The following RBFOX1 variants were observed in gnomAD, a reference collection of about 807,000 sequenced individuals.
RBFOX1 encodes the protein RNA binding protein fox-1 homolog 1.
A neutral mutation model predicts 57.7 loss-of-function variants in RBFOX1; 8 were observed. The observed-to-expected ratio is 0.14, with a 90% CI of 0.08 to 0.25. The LOEUF (loss-of-function observed/expected upper bound fraction) is 0.25, where lower values mean the gene tolerates loss of function less well. RBFOX1 is among the 10% of genes least tolerant of loss of function. RBFOX1 has a pLI of 1.00. For missense variants in RBFOX1, 611 were observed against 548.5 expected (o/e 1.11, Z -1.14); for synonymous variants, 326 against 222.4 (o/e 1.47, Z -4.15).
chr16:6,375,968 C>T (rs2091122304), intron 2 of RBFOX1, among the ~76,000 whole-genome samples: 1 of 152,170 alleles, frequency 6.6e-6, no homozygotes, highest in Non-Finnish European at 1.5e-5. Context: ...TTGGATCACC[C>T]TGCTGCCTCC....
At chr16:7,268,022 G>C (rs1323212892) in intron 4 of RBFOX1, among the ~76,000 whole-genome samples, 4 of 152,180 alleles carry the variant, frequency 2.6e-5, no homozygotes, top group Non-Finnish European at 5.9e-5. Flanking sequence ...CCCAGATGCT[G>C]TAGCCTACGA....
chr16:6,783,831 G>C (rs190533856), intron 3 of RBFOX1, among the ~76,000 whole-genome samples: 1 of 152,064 alleles, frequency 6.6e-6, no homozygotes, highest in African/African-American at 2.4e-5. Context: ...GACAGATCTA[G>C]TGTTGATGAA....
At chr16:5,904,972 G>A (rs867641397) in intron 4 of RBFOX1, among the ~76,000 whole-genome samples, 204 of 75,626 alleles carry the variant, frequency 2.7e-3, no homozygotes, top group African/African-American at 9.5e-3. Flanking sequence ...GCAAGACTCC[G>A]TCTCAAAAAA....
At chr16:5,286,203 G>C (rs138699634) in intron 1 of RBFOX1, among the ~76,000 whole-genome samples, 43 of 152,322 alleles carry the variant, frequency 2.8e-4, no homozygotes, top group African/African-American at 9.1e-4. Flanking sequence ...GGCAGTGTAT[G>C]TGGGCACTGA....
chr16:6,316,824 C>T (rs773422876), intron 1 of RBFOX1, among the ~76,000 whole-genome samples, 171 bp from the exon 2 acceptor site: 10 of 152,100 alleles, frequency 6.6e-5, no homozygotes, highest in Non-Finnish European at 1.2e-4. Context: ...AAAAATACAT[C>T]GAAGAACTGA....
At chr16:5,784,820 C>A (rs75091967) in intron 3 of RBFOX1, among the ~76,000 whole-genome samples, 9,539 of 152,184 alleles carry the variant, frequency 0.063, 979 homozygotes, top group African/African-American at 0.21. Flanking sequence ...GCATAGACAC[C>A]ATCTATGAAC....
chr16:5,969,847 C>T (rs144771520), intron 4 of RBFOX1, among the ~76,000 whole-genome samples: 7 of 151,802 alleles, frequency 4.6e-5, no homozygotes, highest in Non-Finnish European at 7.4e-5. Flanking sequence ...AATATCTTCT[C>T]AGTGTGGATG....
chr16:6,895,484 A>ATATATT (rs2066645858), intron 3 of RBFOX1, among the ~76,000 whole-genome samples: 1 of 93,332 alleles, frequency 1.1e-5, no homozygotes, highest in Non-Finnish European at 2.2e-5. Flanking sequence ...ATATATATAT[A>ATATATT]TATTTATTCC....
intron 2 of RBFOX1, among the ~76,000 whole-genome samples, chr16:6,476,301 T>A (rs908692104): frequency 9.9e-5 from 15 of 152,114 alleles, no homozygotes; most frequent in African/African-American, 3.1e-4. Flanking sequence ...ACATACACTT[T>A]AAAAAAATAG....
intron 2 of RBFOX1, among the ~76,000 whole-genome samples, chr16:6,418,305 C>T (rs1297124387): frequency 6.6e-6 from 1 of 152,074 alleles, no homozygotes; most frequent in Non-Finnish European, 1.5e-5. Flanking sequence ...TTTGTAGAAC[C>T]ATTCTCATTA....
At chr16:6,895,436 G>GTATATATATATATATATATATATATA in intron 3 of RBFOX1, among the ~76,000 whole-genome samples, 1 of 85,778 alleles carries the variant, frequency 1.2e-5, no homozygotes, top group South Asian at 4.7e-4. Context: ...GTGTGTGTGT[G>GTATATATATATATATATATATATATA]TGTGTGTGTG....
At chr16:6,972,375 C>G (rs533445913) in intron 3 of RBFOX1, among the ~76,000 whole-genome samples, 1 of 152,080 alleles carries the variant, frequency 6.6e-6, no homozygotes, top group Non-Finnish European at 1.5e-5. Flanking sequence ...GCTTATATCA[C>G]TTAGCATAAT....
chr16:7,161,917 A>G (rs1362295622), intron 4 of RBFOX1, among the ~76,000 whole-genome samples: 1 of 152,190 alleles, frequency 6.6e-6, no homozygotes, highest in Non-Finnish European at 1.5e-5. Flanking sequence ...TGGTAAACAC[A>G]CTCAAAGGTT....
chr16:7,116,315 A>G (rs2065896340), intron 4 of RBFOX1, among the ~76,000 whole-genome samples: 1 of 152,122 alleles, frequency 6.6e-6, no homozygotes, highest in East Asian at 1.9e-4. Context: ...GGAGTAAAGG[A>G]AAATTGTCCT....
intron 3 of RBFOX1, among the ~76,000 whole-genome samples, chr16:5,855,949 G>T (rs1213900349): frequency 8.3e-6 from 1 of 120,264 alleles, no homozygotes; most frequent in African/African-American, 3.0e-5. Flanking sequence ...CAACTCTTTG[G>T]TTAAGTTTAT....
intron 2 of RBFOX1, among the ~76,000 whole-genome samples, chr16:6,504,528 A>T (rs756533863): frequency 6.6e-6 from 1 of 152,174 alleles, no homozygotes; most frequent in Non-Finnish European, 1.5e-5. Context: ...GAGGACTCAA[A>T]GTAACAGGGA....
chr16:7,436,353 C>T (rs991382395), intron 4 of RBFOX1, among the ~76,000 whole-genome samples: 2 of 152,148 alleles, frequency 1.3e-5, no homozygotes, highest in African/African-American at 2.4e-5. Context: ...CTTGGACAAA[C>T]GTGTTTGAAC....
At chr16:6,668,759 TATC>T (rs1274611551) in intron 3 of RBFOX1, among the ~76,000 whole-genome samples, 1 of 152,138 alleles carries the variant, frequency 6.6e-6, no homozygotes, top group Non-Finnish European at 1.5e-5. Context: ...TACATTTTAA[TATC>T]ATTATTTATA....
At chr16:7,227,725 G>T (rs577963017) in intron 4 of RBFOX1, among the ~76,000 whole-genome samples, 1 of 152,152 alleles carries the variant, frequency 6.6e-6, no homozygotes, top group South Asian at 2.1e-4. Flanking sequence ...CCTGCAGGCT[G>T]GCCTGCACGC....
Sources: allele counts gnomAD v4.1 joint callset (sites outside exome capture counted in the v4.1 genomes callset), GRCh38; gene constraint gnomAD v4.1.1; transcripts MANE v1.5; gene names NCBI Gene and HGNC (gene_info 2026-07-23, HGNC 2026-07-21).